Variants in ZFX observed in about 807,000 individuals in gnomAD.
ZFX encodes zinc finger X-chromosomal protein.
For synonymous variants in ZFX, 196 were observed against 226.8 expected, an observed-to-expected ratio of 0.86 and a Z score of 1.22; for missense variants, 362 against 628.3, an observed-to-expected ratio of 0.58 and a Z score of 4.53.
At chrX:24,151,248 C>T (rs1369031753) in intron 1 of ZFX, among the ~76,000 whole-genome samples, 1 of 111,681 alleles carries the variant, frequency 9.0e-6, no homozygotes, top group African/African-American at 3.3e-5. Flanking sequence ...TGCAAGAAGT[C>T]TCATGTTTAG....
At chrX:24,157,994 G>T (rs760397045) in intron 3 of ZFX, among the ~76,000 whole-genome samples, 55 of 110,833 alleles carry the variant, frequency 5.0e-4, no homozygotes, top group African/African-American at 1.6e-3. Context: ...CCTGAACCCA[G>T]GCAATCTGCC....
chrX:24,152,477 AC>A (rs1046126201), intron 2 of ZFX, among the ~76,000 whole-genome samples: 21 of 111,213 alleles, frequency 1.9e-4, no homozygotes, highest in Admixed American at 3.8e-4. Flanking sequence ...TGGCATAGAT[AC>A]CCATTTTCAG....
intron 5 of ZFX, among the ~76,000 whole-genome samples, chrX:24,188,770 A>G (rs2147810694): frequency 8.9e-6 from 1 of 112,184 alleles, no homozygotes; most frequent in South Asian, 3.7e-4. Context: ...TTCAGAAACA[A>G]AAAGTACATT....
At chrX:24,174,658 G>A (rs372779581) in intron 4 of ZFX, among the ~76,000 whole-genome samples, 1 of 110,666 alleles carries the variant, frequency 9.0e-6, no homozygotes, top group South Asian at 3.9e-4. Context: ...CTCCCAAAGT[G>A]CTGGGATTAC....
chrX:24,184,983 C>T (rs1236664815), intron 5 of ZFX, among the ~76,000 whole-genome samples: 2 of 111,399 alleles, frequency 1.8e-5, no homozygotes, highest in Non-Finnish European at 3.8e-5. Flanking sequence ...TGAAGTCTCG[C>T]TCCCTTACCC....
intron 4 of ZFX, chrX:24,175,348 G>A (rs576087446): frequency 9.0e-6 from 1 of 111,478 alleles, no homozygotes; most frequent in Non-Finnish European, 1.9e-5. Flanking sequence ...CAGGGCCTCC[G>A]TTTTCATATG....
chrX:24,176,699 T>A (rs765118658), intron 4 of ZFX, among the ~76,000 whole-genome samples: 92 of 111,000 alleles, frequency 8.3e-4, no homozygotes, highest in African/African-American at 2.7e-3. Context: ...CCCTAAGTGC[T>A]GGGATTACAA....
chrX:24,207,043 C>A (rs1403498922), intron 5 of ZFX: 2 of 223,358 alleles, frequency 9.0e-6, no homozygotes, highest in Non-Finnish European at 1.6e-5. Context: ...ATCATCCTGG[C>A]TAAAATGGTG....
At chrX:24,198,502 A>G (rs1356208731) in intron 5 of ZFX, among the ~76,000 whole-genome samples, 1 of 78,206 alleles carries the variant, frequency 1.3e-5, no homozygotes, top group Non-Finnish European at 2.5e-5. Flanking sequence ...TTTTTTTTTT[A>G]GAGGGTTAAG....
chrX:24,172,042 G>A (rs1249866606), intron 3 of ZFX, among the ~76,000 whole-genome samples: 3 of 111,187 alleles, frequency 2.7e-5, no homozygotes, highest in Non-Finnish European at 5.7e-5. Flanking sequence ...ACTGTTTACC[G>A]TTTTATAGCT....
At chrX:24,184,533 G>A (rs1425762680) in intron 5 of ZFX, among the ~76,000 whole-genome samples, 1 of 110,007 alleles carries the variant, frequency 9.1e-6, no homozygotes, top group Non-Finnish European at 1.9e-5. Context: ...AATTTACTCA[G>A]CATATCAGGT....
In ZFX at chrX:24,210,717, G is replaced by A; in HGVS notation, c.1759G>A (p.Asp587Asn). 1 of 1,211,588 alleles carries A rather than the reference G, an allele frequency of 8.3e-7. No individual in the cohort carries two copies. Among genetic ancestry groups the A allele is most frequent in the Non-Finnish European group, 1.1e-6 (1 of 895,505 alleles). ...QCQYCEYRSADSSNLKTHVKT... is the reference protein window; with the variant it reads ...QCQYCEYRSANSSNLKTHVKT... ...CCAGTACTGCGAATATAGGTCTGCA[G>A]ACTCTTCTAACTTGAAAACGCATGT... The change falls in exon 10 of 10, where the codon GAC becomes AAC. Residue 587 changes from aspartate (D) to asparagine (N), a missense_variant. Coordinates refer to ENST00000304543, the MANE Select transcript of ZFX (RefSeq NM_003410.4).
In ZFX at chrX:24,179,465, C is replaced by A; in HGVS notation, c.341C>A (p.Pro114Gln). Residue 114 changes from proline (P) to glutamine (Q), a missense_variant, in exon 5 of 10, where the codon CCA becomes CAA. Pro to Gln is a moderately conservative substitution (Grantham distance 76, BLOSUM62 -1). Coordinates refer to ENST00000304543, the MANE Select transcript of ZFX (RefSeq NM_003410.4). The stretch of plus-strand genomic sequence containing the variant: ...GTTTCTTTAGCACATTGCACAGTCC[C>A]AGATGATGTTTTAGCTTCTGACATT... ...EEVSLAHCTV[P>Q]DDVLASDITS... 7 of 1,212,280 alleles carry A rather than the reference C, an allele frequency of 5.8e-6. No homozygotes were observed. The highest frequency in any genetic ancestry group is 7.8e-6 in the Non-Finnish European group (7 of 895,657).
At chrX:24,177,443 G>A (rs1476666743) in intron 4 of ZFX, among the ~76,000 whole-genome samples, 1 of 110,843 alleles carries the variant, frequency 9.0e-6, no homozygotes, top group Non-Finnish European at 1.9e-5. Flanking sequence ...ACTATGTTCC[G>A]AGGAACTGCC....
intron 4 of ZFX, chrX:24,177,890 A>G: frequency 2.7e-6 from 2 of 736,655 alleles, no homozygotes; most frequent in South Asian, 1.4e-4. Context: ...AATGAAGGAA[A>G]ATAGTATGTT....
chrX:24,191,911 G>T (rs1231618387), intron 5 of ZFX, among the ~76,000 whole-genome samples: 1 of 110,642 alleles, frequency 9.0e-6, no homozygotes, highest in Non-Finnish European at 1.9e-5. Flanking sequence ...TGTTGGCCAG[G>T]CTGGTCTCAA....
intron 1 of ZFX, chrX:24,150,728 A>T (rs1246682278): frequency 1.8e-5 from 2 of 113,195 alleles, no homozygotes; most frequent in Admixed American, 1.9e-4. Context: ...GCTTAAGTCA[A>T]ATCATATGTG....
At chrX:24,202,217 A>C (rs777959141) in intron 5 of ZFX, among the ~76,000 whole-genome samples, 3 of 111,614 alleles carry the variant, frequency 2.7e-5, no homozygotes, top group Non-Finnish European at 5.6e-5. Context: ...CTGGATCCCA[A>C]AATTTCATCA....
rs1382962915 is a variant in ZFX, at chrX:24,210,303, G to A, written c.1345G>A (p.Glu449Lys). Residue 449 changes from glutamate (E) to lysine (K), a missense_variant, in exon 10 of 10, where the codon GAA (glutamate) becomes AAA (lysine). Physicochemically the swap from Glu to Lys is moderately conservative, Grantham distance 56 (BLOSUM62 1). Transcript: ENST00000304543. ...FLKRHMKNHP[E>K]HLAKKKYRCT... ...GAAAAGGCACATGAAAAACCATCCC[G>A]AACACCTTGCCAAGAAGAAATACCG... is the stretch of plus-strand genomic sequence containing the variant. The A allele has an allele frequency of 2.5e-6, 3 of 1,211,468 alleles. No individual in the cohort carries two copies. Among genetic ancestry groups the A allele is most frequent in the Middle Eastern group, 2.3e-4 (1 of 4,352 alleles).
Sources: allele counts gnomAD v4.1 joint callset (sites outside exome capture counted in the v4.1 genomes callset), GRCh38; gene constraint gnomAD v4.1.1; transcripts MANE v1.5; gene names NCBI Gene and HGNC (gene_info 2026-07-23, HGNC 2026-07-21).